Variants in ZFHX3 observed in about 807,000 individuals in gnomAD.
ZFHX3 encodes the protein zinc finger homeobox 3, also known as zinc finger homeobox protein 3.
A neutral mutation model predicts 279.1 loss-of-function variants in ZFHX3; 42 were observed. That is an observed-to-expected ratio of 0.15 (90% CI 0.12 to 0.19). The LOEUF (loss-of-function observed/expected upper bound fraction) is 0.19, where lower values mean the gene tolerates loss of function less well. Among genes scored for constraint, ZFHX3 ranks in the 10% least tolerant of loss-of-function variants. ZFHX3 has a pLI of 1.00. For missense variants in ZFHX3, 4,981 were observed against 4,754.0 expected (o/e 1.05, Z -1.40); for synonymous variants, 2,293 against 1,957.8 (o/e 1.17, Z -4.52).
At chr16:73,452,387 TTTTTA>T (rs1167892284) in intron 3 of ZFHX3, among the ~76,000 whole-genome samples, 8 of 152,186 alleles carry the variant, frequency 5.3e-5, no homozygotes, top group Non-Finnish European at 8.8e-5. Context: ...AAAAATCACC[TTTTTA>T]TTTTAATTTT....
Position 73,566,269 on chromosome 16 carries a change from A to G in ZFHX3, c.-1546-110011T>C, listed in dbSNP as rs538838288. Among the ~76,000 whole-genome samples, 221 of 152,332 alleles carry G rather than the reference A, an allele frequency of 1.5e-3. 1 individual carries two copies. The highest frequency in any genetic ancestry group is 4.6e-3 in the African/African-American group (193 of 41,576). ...AAATCAGATGGCTTCTCCTGTTGAG[A>G]TGATCTCCTCATAGACCTAAAATAC... On this transcript the variant is annotated intron_variant, in intron 2 of 17. Transcript: ENST00000641206.
intron 1 of ZFHX3, among the ~76,000 whole-genome samples, chr16:73,782,792 G>C (rs576924051): frequency 3.8e-4 from 58 of 152,266 alleles, no homozygotes; most frequent in South Asian, 6.2e-4. Context: ...CTGAAAGACT[G>C]GGTCCCTGAA....
chr16:73,397,027 C>T (rs55957305), intron 3 of ZFHX3, among the ~76,000 whole-genome samples: 11,868 of 152,300 alleles, frequency 0.078, 547 homozygotes, highest in Middle Eastern at 0.14. Flanking sequence ...AGGAAATAAA[C>T]CTAAGCGGCT....
At chr16:73,127,214 G>A (rs893265902) in intron 7 of ZFHX3, 2 of 628,698 alleles carry the variant, frequency 3.2e-6, no homozygotes, top group African/African-American at 1.9e-5. Flanking sequence ...GCAGTCGTGC[G>A]TGAGCTGTTA....
intron 2 of ZFHX3, among the ~76,000 whole-genome samples, chr16:73,629,722 T>G (rs2052450462): frequency 6.6e-6 from 1 of 152,128 alleles, no homozygotes; most frequent in African/African-American, 2.4e-5. Flanking sequence ...GCTTGGGAGA[T>G]GGACATAAAG....
intron 1 of ZFHX3, among the ~76,000 whole-genome samples, chr16:72,991,337 C>A (rs1457599243): frequency 6.6e-6 from 1 of 152,210 alleles, no homozygotes; most frequent in Non-Finnish European, 1.5e-5. Context: ...ACTATCCTCC[C>A]TCTCAGACAT....
chr16:72,818,003 G>A (rs760748277), intron 5 of ZFHX3, among the ~76,000 whole-genome samples: 4 of 152,114 alleles, frequency 2.6e-5, no homozygotes, highest in Non-Finnish European at 4.4e-5. Context: ...GGTTCTCATC[G>A]CCTTACATTC....
rs561504368 is a variant in ZFHX3, at chr16:73,106,426, G to T, written c.-896-12828C>A. On this transcript the variant is annotated intron_variant, in intron 7 of 17. Coordinates refer to the ZFHX3 transcript ENST00000641206. ...ATGAGAACCCAGGATTACACAAGAC[G>T]GAAGATGTACAAACTCTCCCTCTCT... is the stretch of plus-strand genomic sequence containing the variant. 3.3e-5 allele frequency among the ~76,000 whole-genome samples: 5 copies of T among 152,148 alleles called. No individual in the cohort carries two copies. In the East Asian group the frequency reaches 7.8e-4, roughly 24 times the overall value.
chr16:73,618,625 G>C lies in ZFHX3; in HGVS notation c.-1547+61555C>G, dbSNP rs74030137. The stretch of plus-strand genomic sequence containing the variant: ...ACAGGTGGATTTCAAACCACAGACA[G>C]ATGGCTGCAACTCCAGCTCCCTTAG... On this transcript the variant is annotated intron_variant, in intron 2 of 17. Coordinates refer to the ZFHX3 transcript ENST00000641206. Among the ~76,000 whole-genome samples, 192 of 152,302 alleles carry C rather than the reference G, an allele frequency of 1.3e-3. 3 individuals are homozygous for C. The highest frequency in any genetic ancestry group is 4.5e-3 in the African/African-American group (188 of 41,564).
chr16:73,502,642 A>G (rs1337467273), intron 2 of ZFHX3, among the ~76,000 whole-genome samples: 2 of 152,242 alleles, frequency 1.3e-5, no homozygotes, highest in Non-Finnish European at 2.9e-5. Context: ...GAAAGAGATC[A>G]GTGGATCTCT....
intron 1 of ZFHX3, among the ~76,000 whole-genome samples, chr16:73,872,709 G>A (rs974500986): frequency 1.5e-5 from 2 of 134,346 alleles, no homozygotes; most frequent in African/African-American, 5.8e-5. Flanking sequence ...TTCATGGAAT[G>A]GAAACCATAA....
chr16:73,513,700 T>G (rs1289830752), intron 2 of ZFHX3, among the ~76,000 whole-genome samples: 1 of 152,054 alleles, frequency 6.6e-6, no homozygotes, highest in Non-Finnish European at 1.5e-5. Flanking sequence ...GGCAAATGCC[T>G]CATTGGTCAG....
intron 4 of ZFHX3, among the ~76,000 whole-genome samples, chr16:72,843,502 G>A (rs933386018): frequency 3.8e-5 from 5 of 132,050 alleles, no homozygotes; most frequent in South Asian, 5.2e-4. Flanking sequence ...GCGACAGAGC[G>A]AGACTCCGTC....
rs1323723256 is a variant in ZFHX3, at chr16:72,797,727, G to C, written c.4955C>G (p.Pro1652Arg). 1.2e-6 allele frequency: 2 copies of C among 1,614,100 alleles called. No individual in the cohort carries two copies. The highest frequency in any genetic ancestry group is 1.7e-6 in the Non-Finnish European group (2 of 1,180,018). Residue 1652 changes from proline to arginine, a missense_variant, in exon 9 of 10, where the codon CCA becomes CGA. Around this residue, in one of 7 missense-constraint regions of ZFHX3, gnomAD observed 1,751 missense variants for 1,770.0 expected, o/e 0.99. Coordinates refer to ENST00000268489, the MANE Select transcript of ZFHX3 (RefSeq NM_006885.4). ...ACTGCCACTGGTGCTCACAGGACTTGGCGTGGAGGAGCTCAAGGAAATACT... is the reference window on the plus strand; with the variant it reads ...ACTGCCACTGGTGCTCACAGGACTTCGCGTGGAGGAGCTCAAGGAAATACT... ...SSSISLSSST[P>R]SPVSTSGSNT...
intron 4 of ZFHX3, among the ~76,000 whole-genome samples, chr16:73,289,902 G>A (rs1277055025): frequency 1.3e-5 from 2 of 152,112 alleles, no homozygotes; most frequent in Non-Finnish European, 2.9e-5. Flanking sequence ...AGTCACCCGG[G>A]GCCCCTTTGG....
At chr16:73,489,199 G>A (rs939448622) in intron 2 of ZFHX3, among the ~76,000 whole-genome samples, 1 of 152,156 alleles carries the variant, frequency 6.6e-6, no homozygotes, top group East Asian at 1.9e-4. Flanking sequence ...ATCTGGGAGG[G>A]AGAGAAGATA....
rs375841808 is a variant in ZFHX3 at position 72,971,033 on chromosome 16, C to T, written c.-49-10839G>A. Among the ~76,000 whole-genome samples the T allele has an allele frequency of 6.6e-5, 10 of 152,292 alleles. No homozygotes were observed. The East Asian group carries it at 1.4e-3, about 21-fold the overall frequency. On this transcript the variant is annotated intron_variant, in intron 1 of 9. Transcript: ENST00000268489. ...AGAGAACCACTGGTAGGTAGTTTTT[C>T]GGGCTTTTTTCCTCTGCACGTTTAC...
At chr16:73,601,429 C>T (rs1159321449) in intron 2 of ZFHX3, among the ~76,000 whole-genome samples, 3 of 150,902 alleles carry the variant, frequency 2.0e-5, no homozygotes, top group Non-Finnish European at 2.9e-5. Flanking sequence ...GAGATCACGC[C>T]GCTGCACTCC....
intron 2 of ZFHX3, among the ~76,000 whole-genome samples, chr16:73,478,273 A>G (rs967433806): frequency 6.6e-4 from 99 of 150,408 alleles, no homozygotes; most frequent in Middle Eastern, 3.4e-3. Context: ...TCAAAAAAAA[A>G]AAAAAAAAAA....
Sources: allele counts gnomAD v4.1 joint callset (sites outside exome capture counted in the v4.1 genomes callset), GRCh38; gene constraint gnomAD v4.1.1; regional missense constraint gnomAD v4.1.1; transcripts MANE v1.5; gene names NCBI Gene and HGNC (gene_info 2026-07-23, HGNC 2026-07-21).